Variants in PLEKHG7 observed in about 807,000 individuals in gnomAD.
PLEKHG7 encodes pleckstrin homology domain-containing family G member 7.
In PLEKHG7, 77 loss-of-function variants were observed where a neutral mutation model predicts 85.2. The observed-to-expected ratio is 0.90, with a 90% confidence interval of 0.75 to 1.09. The LOEUF is 1.09. Among genes scored for constraint, PLEKHG7 ranks in the 50% least tolerant of loss-of-function variants. The pLI, the probability that PLEKHG7 is intolerant of heterozygous loss-of-function variation, is 0.00. For missense variants in PLEKHG7, 777 were observed against 804.3 expected (o/e 0.97, Z 0.41); for synonymous variants, 301 against 302.4 (o/e 1.00, Z 0.05).
At chr12:92,759,417 G>A (rs1872925441) in intron 13 of PLEKHG7, among the ~76,000 whole-genome samples, 1 of 152,218 alleles carries the variant, frequency 6.6e-6, no homozygotes, top group Admixed American at 6.5e-5. Context: ...GATGGGAATA[G>A]CAAATTTTAC....
At chr12:92,708,921 A>T (rs1162533390) in intron 3 of PLEKHG7, among the ~76,000 whole-genome samples, 1 of 152,232 alleles carries the variant, frequency 6.6e-6, no homozygotes, top group Non-Finnish European at 1.5e-5. Context: ...CTGTTAATGT[A>T]AATCTTCCAT....
intron 13 of PLEKHG7, among the ~76,000 whole-genome samples, chr12:92,756,728 C>T (rs1039902491): frequency 7.2e-5 from 11 of 152,330 alleles, no homozygotes; most frequent in Middle Eastern, 6.8e-3. Context: ...TGTACTCCCC[C>T]AATGAGCCAG....
At position 92,737,441 on chromosome 12, in the gene PLEKHG7, A is replaced by T. The variant is rs1425578857; in HGVS notation, c.859A>T (p.Lys287Ter). The T allele has an allele frequency of 5.1e-6, 8 of 1,581,760 alleles. No homozygotes were observed. The highest frequency in any genetic ancestry group is 6.8e-6 in the Non-Finnish European group (8 of 1,170,944). Reference protein sequence around the residue: ...HKLPTDQLDLKKQQEAVWELF... With the variant: ...HKLPTDQLDL ...ACTCCCGACCGATCAATTAGACCTG[A>T]AAAAGCAGCAAGAGGCCGTGTGGGA... Residue 287 changes from lysine to a stop codon, truncating the protein, a stop_gained, in exon 7 of 17, where the codon AAA becomes TAA. Coordinates refer to ENST00000344636, the MANE Select transcript of PLEKHG7 (RefSeq NM_001377329.1). LOFTEE classifies it high-confidence loss of function.
In PLEKHG7 at chr12:92,706,826, C is replaced by T; in HGVS notation, c.195C>T (p.Ala65=). ...GTGGCTGTGGGACAAGGCAGGATGC[C>T]TGGCAGGTGACCACCTGGGGAAGCT... ...RTRGCGTRQD[A]WQVTTWGSWG... Residue 65 remains alanine (A), a synonymous_variant, in exon 2 of 17, where the codon GCC becomes GCT. Coordinates refer to ENST00000344636, the MANE Select transcript of PLEKHG7 (RefSeq NM_001377329.1). The T allele has an allele frequency of 6.2e-7, 1 of 1,613,956 alleles. No homozygotes were observed. The highest frequency in any genetic ancestry group is 8.5e-7 in the Non-Finnish European group (1 of 1,180,016).
At position 92,740,934 on chromosome 12, in the gene PLEKHG7, G is replaced by A; in HGVS notation, c.1021G>A (p.Glu341Lys). Reference sequence around the variant, plus strand: ...TTTATGGAGACTTTTTGCAAACCTGGAGGAGTTAACTCAGGTGAGCCAAGT... The same window carrying A: ...TTTATGGAGACTTTTTGCAAACCTGAAGGAGTTAACTCAGGTGAGCCAAGT... Reference protein sequence around the residue: ...VDLWRLFANLEELTQTSLGFV... With the variant: ...VDLWRLFANLKELTQTSLGFV... Residue 341 changes from glutamate (E) to lysine (K), a missense_variant, in exon 8 of 17, where the codon GAG becomes AAG. By Grantham distance (56) the Glu-to-Lys change is moderately conservative. Around this residue, in one of 3 missense-constraint regions of PLEKHG7, gnomAD observed 520 missense variants for 544.0 expected, o/e 0.96. Transcript: ENST00000344636. 1 of 1,609,546 alleles carries A rather than the reference G, an allele frequency of 6.2e-7. No homozygotes were observed. Among genetic ancestry groups the A allele is most frequent in the South Asian group, 1.1e-5 (1 of 90,910 alleles).
At chr12:92,749,181 C>G (rs1311750597) in intron 10 of PLEKHG7, among the ~76,000 whole-genome samples, 1 of 152,172 alleles carries the variant, frequency 6.6e-6, no homozygotes, top group Non-Finnish European at 1.5e-5. Context: ...TAAATTTACC[C>G]TCCACACCAC....
intron 3 of PLEKHG7, among the ~76,000 whole-genome samples, chr12:92,713,346 C>T (rs1046974318): frequency 7.2e-5 from 11 of 152,144 alleles, no homozygotes; most frequent in Non-Finnish European, 1.3e-4. Flanking sequence ...ATGTAGTAGG[C>T]TTCCTATCAA....
rs17020643 is a variant in PLEKHG7 at position 92,737,438 on chromosome 12, C to T, written c.856C>T (p.Leu286=). 14,561 of 1,583,108 alleles carry T rather than the reference C, an allele frequency of 9.2e-3. 1,045 individuals are homozygous for T. The African/African-American group carries it at 0.16, about 18-fold the overall frequency. The change falls in exon 7 of 17, where the codon CTG becomes TTG. Residue 286 remains leucine (L), a synonymous_variant. Transcript: ENST00000344636. ...CAAACTCCCGACCGATCAATTAGAC[C>T]TGAAAAAGCAGCAAGAGGCCGTGTG... ...HHKLPTDQLD[L]KKQQEAVWEL...
chr12:92,769,877 C>T (rs1414250171), intron 16 of PLEKHG7, among the ~76,000 whole-genome samples: 1 of 152,198 alleles, frequency 6.6e-6, no homozygotes, highest in South Asian at 2.1e-4. Flanking sequence ...ATACCATACT[C>T]ATTTAGCCCA....
At position 92,707,056 on chromosome 12, in the gene PLEKHG7, A is replaced by AG; in HGVS notation, c.425_426insG (p.Gly143ArgfsTer25). Reference sequence around the variant, plus strand: ...CCTCCTGAGCTTCAGCCTGTCAATGAAGGGTCCCTTCACCAGGCCTCTCTT... The same window carrying AG: ...CCTCCTGAGCTTCAGCCTGTCAATGAGAGGGTCCCTTCACCAGGCCTCTCTT... On this transcript the variant is annotated frameshift_variant, in exon 2 of 17. Coordinates refer to ENST00000344636, the MANE Select transcript of PLEKHG7 (RefSeq NM_001377329.1). LOFTEE classifies it high-confidence loss of function. 6.2e-7 allele frequency: 1 copy of AG among 1,614,026 alleles called. No individual in the cohort carries two copies. Among genetic ancestry groups the AG allele is most frequent in the Non-Finnish European group, 8.5e-7 (1 of 1,180,000 alleles).
At chr12:92,704,396 C>T (rs1871174670) in intron 1 of PLEKHG7, among the ~76,000 whole-genome samples, 1 of 152,172 alleles carries the variant, frequency 6.6e-6, no homozygotes, top group African/African-American at 2.4e-5. Context: ...AGGGAGGGAC[C>T]ATTTCATACC....
At chr12:92,749,278 AATTAATTTATTTATGT>A (rs1255506648) in intron 10 of PLEKHG7, among the ~76,000 whole-genome samples, 5 of 151,750 alleles carry the variant, frequency 3.3e-5, no homozygotes, top group African/African-American at 9.7e-5. Flanking sequence ...TTTTTTAATT[AATTAATTTATTTATGT>A]ATTTATTTAT....
Position 92,740,752 on chromosome 12 carries a change from G to A in PLEKHG7, c.940-101G>A, listed in dbSNP as rs183684960. The A allele has an allele frequency of 2.8e-5, 20 of 726,872 alleles. No homozygotes were observed. The African/African-American group carries it at 2.9e-4, about 10-fold the overall frequency. 45.0% of individuals were successfully genotyped at this position (726,872 alleles called of 1,614,324 possible). ...AGAGTGCTGATTTCTCCATTGTTTT[G>A]TAAAGTTACACCCAGGAGGTTTATG... On this transcript the variant is annotated intron_variant, in intron 7 of 16. Transcript: ENST00000344636.
intron 10 of PLEKHG7, 103 bp from the exon 11 acceptor site, chr12:92,753,987 G>T (rs1872757089): frequency 5.1e-6 from 6 of 1,171,336 alleles, no homozygotes; most frequent in African/African-American, 1.5e-5. Context: ...AGTAGGTCCT[G>T]CAGTTACTGA....
At position 92,769,125 on chromosome 12, in the gene PLEKHG7, A is replaced by C. The variant is rs764257636; in HGVS notation, c.1968+45A>C. On this transcript the variant is annotated intron_variant, in intron 16 of 16. Coordinates refer to ENST00000344636, the MANE Select transcript of PLEKHG7 (RefSeq NM_001377329.1). ...AGGTCTTTGATTCTTCAGAGTTTACATAAGCTCCCCCCAAGTGTCTTAAGT... is the reference window on the plus strand; with the variant it reads ...AGGTCTTTGATTCTTCAGAGTTTACCTAAGCTCCCCCCAAGTGTCTTAAGT... 2.2e-6 allele frequency: 3 copies of C among 1,375,058 alleles called. No homozygotes were observed. The South Asian group carries it at 3.7e-5, about 17-fold the overall frequency. The allele number at this position is 1,375,058 out of a possible 1,614,324, so 85.2% of individuals were successfully genotyped here.
chr12:92,766,804 T>A (rs1299519306), intron 15 of PLEKHG7, among the ~76,000 whole-genome samples: 2 of 152,216 alleles, frequency 1.3e-5, no homozygotes, highest in Non-Finnish European at 2.9e-5. Flanking sequence ...CACTCCAGCC[T>A]GGGTGATGGA....
chr12:92,761,769 G>T lies in PLEKHG7; in HGVS notation c.1654G>T (p.Asp552Tyr). The change falls in exon 14 of 17, where the codon GAT becomes TAT. Residue 552 changes from aspartate to tyrosine, a missense_variant. Physicochemically the swap from Asp to Tyr is radical, Grantham distance 160. Transcript: ENST00000344636. Reference protein sequence around the residue: ...LTLAESTRFLDVYLFLFNDFL... With the variant: ...LTLAESTRFLYVYLFLFNDFL... ...TTCCTCAGAAAGCACGAGATTCCTA[G>T]ATGTTTATCTGTTTCTCTTCAATGA... The T allele has an allele frequency of 1.3e-6, 2 of 1,575,990 alleles. No individual in the cohort carries two copies. The highest frequency in any genetic ancestry group is 1.7e-6 in the Non-Finnish European group (2 of 1,166,902).
rs1400530745 is a variant in PLEKHG7, at chr12:92,731,812, A to G, written c.659-421A>G. 4.6e-5 allele frequency among the ~76,000 whole-genome samples: 7 copies of G among 152,278 alleles called. No individual in the cohort carries two copies. The South Asian group carries it at 1.4e-3, about 32-fold the overall frequency. Reference sequence around the variant, plus strand: ...GTCTCCCATTTGCTCAAGCTATTGAAGTTTGCATGTGATGGGGGCGTTCTG... The same window carrying G: ...GTCTCCCATTTGCTCAAGCTATTGAGGTTTGCATGTGATGGGGGCGTTCTG... On this transcript the variant is annotated intron_variant, in intron 4 of 16. Transcript: ENST00000344636.
intron 14 of PLEKHG7, among the ~76,000 whole-genome samples, chr12:92,762,300 G>T (rs897443469): frequency 2.0e-5 from 3 of 152,122 alleles, no homozygotes; most frequent in African/African-American, 7.2e-5. Flanking sequence ...TGATTTGAAA[G>T]CTCACATTAT....
Sources: gnomAD v4.1 joint callset for allele counts (sites outside exome capture counted in the v4.1 genomes callset) on GRCh38, gnomAD v4.1.1 for gene constraint, gnomAD v4.1.1 regional missense constraint, MANE v1.5 for transcripts, NCBI Gene and HGNC (gene_info 2026-07-23, HGNC 2026-07-21) for gene names.